The following FSD1L variants were observed in gnomAD, a reference collection of about 807,000 sequenced individuals.
The protein encoded by FSD1L is fibronectin type III and SPRY domain containing 1 like, also known as FSD1-like protein.
FSD1L carries 45 observed loss-of-function variants against 71.6 expected under a neutral mutation model. That is an observed-to-expected ratio of 0.63 (90% CI 0.49 to 0.81). The LOEUF (loss-of-function observed/expected upper bound fraction) is 0.81. Ranked by LOEUF, FSD1L falls within the 30% of genes least tolerant of loss-of-function variation. The pLI is 0.00. For missense variants in FSD1L, 561 were observed against 618.1 expected (o/e 0.91, Z 0.98); for synonymous variants, 197 against 207.2 (o/e 0.95, Z 0.42).
rs577806697 is a variant in FSD1L, at chr9:105,492,423, A to G, written c.586+7921A>G. ...TATTAGTCTTGCTAGGAGTCTATCA[A>G]TTTTGTTCATCCTTTCAAAAAACCA... is the stretch of plus-strand genomic sequence containing the variant. On this transcript the variant is annotated intron_variant, in intron 7 of 13. Transcript: ENST00000481272. Among the ~76,000 whole-genome samples, 37 of 152,000 alleles carry G rather than the reference A, an allele frequency of 2.4e-4. 1 individual carries two copies. In the South Asian group the frequency reaches 6.7e-3, roughly 27 times the overall value.
intron 10 of FSD1L, chr9:105,524,925 C>G: frequency 6.2e-7 from 1 of 1,613,684 alleles, no homozygotes. Context: ...TCCAAATATC[C>G]AGTTCTTTGT....
intron 9 of FSD1L, among the ~76,000 whole-genome samples, chr9:105,510,168 C>G (rs2131371383): frequency 6.6e-6 from 1 of 152,298 alleles, no homozygotes; most frequent in African/African-American, 2.4e-5. Context: ...TGGTCAAACT[C>G]TTAATCATGG....
intron 10 of FSD1L, 108 bp downstream of exon 10, chr9:105,513,044 A>C (rs778997214): frequency 4.8e-6 from 4 of 839,512 alleles, no homozygotes; most frequent in Non-Finnish European, 6.8e-6. Context: ...TGAGAGTTAC[A>C]GTATATTAGT....
upstream of FSD1L, among the ~76,000 whole-genome samples, chr9:105,447,226 A>T (rs2131543166): frequency 6.9e-6 from 1 of 145,702 alleles, no homozygotes; most frequent in South Asian, 2.3e-4. Context: ...CATGAGGCTG[A>T]GGCACGAGAA....
chr9:105,472,118 C>T, intron 5 of FSD1L, 113 bp downstream of exon 5: 3 of 1,214,096 alleles, frequency 2.5e-6, no homozygotes, highest in Non-Finnish European at 3.2e-6. Context: ...CTAATAAAGC[C>T]TTGGGGTTTC....
At position 105,549,364 on chromosome 9, in the gene FSD1L, G is replaced by A. The variant is rs563169635; in HGVS notation, c.*2881G>A. On this transcript the variant is annotated 3_prime_UTR_variant, in exon 14 of 14. Transcript: ENST00000481272. ...ACAATTCATTTTGACTCTCATGGCT[G>A]ACCATGTCATTATGTCTTTAAATTT... is the stretch of plus-strand genomic sequence containing the variant. 8 of 152,152 alleles carry A rather than the reference G, an allele frequency of 5.3e-5. No individual in the cohort carries two copies. The South Asian group carries it at 1.7e-3, about 32-fold the overall frequency. The allele number at this position is 152,152 out of a possible 1,614,324, so 9.4% of individuals were successfully genotyped here. A position where few individuals can be genotyped will look rare whatever the true frequency, so the allele number is the denominator to read the frequency against.
chr9:105,509,048 G>T (rs1834242104), intron 9 of FSD1L, among the ~76,000 whole-genome samples: 1 of 152,162 alleles, frequency 6.6e-6, no homozygotes, highest in East Asian at 1.9e-4. Context: ...AATGGATTAT[G>T]AATCAATATT....
intron 3 of FSD1L, among the ~76,000 whole-genome samples, chr9:105,466,851 A>C (rs916712892): frequency 6.6e-6 from 1 of 152,178 alleles, no homozygotes; most frequent in Non-Finnish European, 1.5e-5. Flanking sequence ...GAGAGATCTT[A>C]TGTAGAGCTA....
At chr9:105,538,416 A>G (rs962000309) in intron 12 of FSD1L, among the ~76,000 whole-genome samples, 1 of 152,210 alleles carries the variant, frequency 6.6e-6, no homozygotes, top group African/African-American at 2.4e-5. Flanking sequence ...TAAAGAAAAG[A>G]GAGCATGGAC....
intron 4 of FSD1L, among the ~76,000 whole-genome samples, chr9:105,470,188 A>T (rs967017856): frequency 2.0e-5 from 3 of 152,082 alleles, no homozygotes; most frequent in Admixed American, 2.0e-4. Flanking sequence ...TGAAATCAGG[A>T]ATGTTGAGGC....
At chr9:105,533,277 C>T (rs1836014182) in intron 10 of FSD1L, among the ~76,000 whole-genome samples, 12 of 151,630 alleles carry the variant, frequency 7.9e-5, no homozygotes, top group Admixed American at 7.9e-4. Flanking sequence ...AGTAAACATC[C>T]CAATACTCCA....
At chr9:105,484,260 A>C in intron 6 of FSD1L, 121 bp from the exon 7 acceptor site, 2 of 665,418 alleles carry the variant, frequency 3.0e-6, no homozygotes, top group Non-Finnish European at 4.4e-6. Flanking sequence ...TTTCACTTTT[A>C]ACTTTTATTA....
At chr9:105,473,365 C>T (rs1023885647) in intron 5 of FSD1L, 1 of 152,084 alleles carries the variant, frequency 6.6e-6, no homozygotes, top group South Asian at 2.1e-4. Context: ...CATGTGATAA[C>T]CTTAAGTGTC....
chr9:105,461,611 A>G lies in FSD1L; in HGVS notation c.107A>G (p.Gln36Arg), dbSNP rs1030170198. The G allele has an allele frequency of 4.5e-6, 7 of 1,544,984 alleles. No homozygotes were observed. Among genetic ancestry groups the G allele is most frequent in the East Asian group, 4.9e-5 (2 of 40,888 alleles). The change falls in exon 2 of 14, where the codon CAG (glutamine) becomes CGG (arginine). Residue 36 changes from glutamine to arginine, a missense_variant. Around this residue, in one of 3 missense-constraint regions of FSD1L, gnomAD observed 410 missense variants for 413.5 expected, o/e 0.99. Transcript: ENST00000481272. ...ATTGGACCAGAGTCTATTAACTTGC[A>G]GCAGGTTGGTAGCTCTTAAAGGAGC... ...ITIGPESINL[Q>R]QEALQRIIST...
chr9:105,444,116 G>A (rs1264960372), upstream of FSD1L, among the ~76,000 whole-genome samples: 1 of 152,160 alleles, frequency 6.6e-6, no homozygotes, highest in Admixed American at 6.5e-5. Flanking sequence ...GGGAGTTGTG[G>A]TGAGAATAGG....
At chr9:105,464,369 C>A in intron 3 of FSD1L, 38 bp downstream of exon 3, 3 of 916,288 alleles carry the variant, frequency 3.3e-6, no homozygotes, top group South Asian at 1.6e-5. Context: ...GTAAATATGT[C>A]ACAATGAGCC....
intron 10 of FSD1L, chr9:105,521,766 C>T (rs1250153631): frequency 6.2e-7 from 1 of 1,612,848 alleles, no homozygotes; most frequent in Non-Finnish European, 8.5e-7. Context: ...CGGCTCCTAC[C>T]AAGGTGCTCT....
chr9:105,512,287 G>A (rs1472178396), intron 9 of FSD1L, among the ~76,000 whole-genome samples: 1 of 151,898 alleles, frequency 6.6e-6, no homozygotes. Flanking sequence ...CAGTTTCCTT[G>A]TTCTGCCATC....
Position 105,464,220 on chromosome 9 carries a change from C to T in FSD1L, c.112-16C>T. The T allele has an allele frequency of 7.6e-7, 1 of 1,317,744 alleles. No individual in the cohort carries two copies. Among genetic ancestry groups the T allele is most frequent in the Non-Finnish European group, 1.0e-6 (1 of 954,190 alleles). 81.6% of individuals were successfully genotyped at this position (1,317,744 alleles called of 1,614,324 possible). On this transcript the variant is annotated splice_polypyrimidine_tract_variant and intron_variant, in intron 2 of 13. Transcript: ENST00000481272. ...TCCATTGAAATATAGTATTTTAATG[C>T]TTTTCTTAATTCTAGGAAGCTCTAC...
Sources: gnomAD v4.1 joint callset for allele counts (sites outside exome capture counted in the v4.1 genomes callset) on GRCh38, gnomAD v4.1.1 for gene constraint, gnomAD v4.1.1 regional missense constraint, MANE v1.5 for transcripts, NCBI Gene and HGNC (gene_info 2026-07-23, HGNC 2026-07-21) for gene names.